The following NOL8 variants were observed in gnomAD, a reference collection of about 807,000 sequenced individuals.
The protein encoded by NOL8 is nucleolar protein Nop132.
A neutral mutation model predicts 116.1 loss-of-function variants in NOL8; 93 were observed. That is an observed-to-expected ratio of 0.80 (90% CI 0.68 to 0.95). The LOEUF (loss-of-function observed/expected upper bound fraction) is 0.95. Among genes scored for constraint, NOL8 ranks in the 40% least tolerant of loss-of-function variants. The probability of loss-of-function intolerance (pLI) is 0.00; values close to 1 mark genes in which losing one functional copy is unlikely to be tolerated. For missense variants in NOL8, 1,291 were observed against 1,382.8 expected, an observed-to-expected ratio of 0.93 and a Z score of 1.05; for synonymous variants, 419 against 469.0, an observed-to-expected ratio of 0.89 and a Z score of 1.38.
At chr9:92,313,409 C>T (rs1003020652) in intron 7 of NOL8, among the ~76,000 whole-genome samples, 3 of 152,134 alleles carry the variant, frequency 2.0e-5, no homozygotes, top group African/African-American at 7.2e-5. Context: ...TTGTTCTGTA[C>T]TCAAAAACTA....
intron 5 of NOL8, 120 bp downstream of exon 5, chr9:92,319,101 A>T: frequency 9.4e-7 from 1 of 1,068,358 alleles, no homozygotes; most frequent in Non-Finnish European, 1.3e-6. Context: ...TATCTATGTT[A>T]ATTGCCTCCA....
intron 9 of NOL8, 60 bp from the exon 10 acceptor site, chr9:92,310,321 G>A: frequency 3.5e-6 from 5 of 1,448,928 alleles, no homozygotes; most frequent in Non-Finnish European, 4.8e-6. Context: ...TGCTTCTGAC[G>A]AAGACTGTCA....
chr9:92,305,776 T>TTTTC lies in NOL8; in HGVS notation c.2876_2879dup (p.Arg961LysfsTer4). 1 of 1,611,982 alleles carries TTTTC rather than the reference T, an allele frequency of 6.2e-7. No homozygotes were observed. The highest frequency in any genetic ancestry group is 8.5e-7 in the Non-Finnish European group (1 of 1,178,294). On this transcript the variant is annotated frameshift_variant, in exon 12 of 17. Transcript: ENST00000442668. LOFTEE classifies it high-confidence loss of function. The stretch of plus-strand genomic sequence containing the variant: ...ACCTTTCTTTTGGCTTATCATCTCT[T>TTTTC]TTTCTTTCGTAAGTGGCATGGTCTT...
At chr9:92,322,135 A>T (rs547776498) in intron 3 of NOL8, among the ~76,000 whole-genome samples, 1 of 152,204 alleles carries the variant, frequency 6.6e-6, no homozygotes, top group African/African-American at 2.4e-5. Context: ...TAAAACAATC[A>T]TCTTTTCAGG....
intron 5 of NOL8, 59 bp downstream of exon 5, chr9:92,319,162 G>C: frequency 6.8e-7 from 1 of 1,463,390 alleles, no homozygotes; most frequent in Non-Finnish European, 9.0e-7. Context: ...ACAATCACGT[G>C]ATCTCAGGCA....
At chr9:92,317,838 T>C (rs562440899) in intron 6 of NOL8, among the ~76,000 whole-genome samples, 1 of 151,620 alleles carries the variant, frequency 6.6e-6, no homozygotes. Context: ...ATCAAGACCA[T>C]CCTGGCCAAC....
chr9:92,323,387 GT>G, intron 3 of NOL8, 53 bp downstream of exon 3: 1 of 1,547,290 alleles, frequency 6.5e-7, no homozygotes, highest in Non-Finnish European at 8.8e-7. Flanking sequence ...GTTATTCCAA[GT>G]TACAGAGTCA....
chr9:92,304,009 A>G (rs1398099763), intron 12 of NOL8, among the ~76,000 whole-genome samples: 5 of 152,234 alleles, frequency 3.3e-5, no homozygotes. Context: ...GAAGATTTTA[A>G]GAGAATTATA....
chr9:92,323,329 C>T (rs1235740460), intron 3 of NOL8, 112 bp downstream of exon 3: 29 of 1,543,024 alleles, frequency 1.9e-5, no homozygotes, highest in Non-Finnish European at 2.4e-5. Flanking sequence ...CACTGCTGTC[C>T]CTCTGGATAA....
At position 92,314,682 on chromosome 9, in the gene NOL8, T is replaced by G. The variant is rs1035024933; in HGVS notation, c.1943A>C (p.Gln648Pro). 1 of 1,613,674 alleles carries G rather than the reference T, an allele frequency of 6.2e-7. No homozygotes were observed. Among genetic ancestry groups the G allele is most frequent in the Admixed American group, 1.7e-5 (1 of 59,978 alleles). The change falls in exon 7 of 17, where the codon CAG becomes CCG. Residue 648 changes from glutamine (Q) to proline (P), a missense_variant. Coordinates refer to ENST00000442668, the MANE Select transcript of NOL8 (RefSeq NM_017948.6). ...GCGATCCTGGCTTTCAAAAGTGGTC[T>G]GTCTTTTTTGAGGCTGAATATAGTT... ...GPNYIQPQKR[Q>P]TTFESQDRKA...
At position 92,298,250 on chromosome 9, in the gene NOL8, TACTC is replaced by T; in HGVS notation, c.3453+3_3453+6del. 1 of 1,587,226 alleles carries T rather than the reference TACTC, an allele frequency of 6.3e-7. No homozygotes were observed. The highest frequency in any genetic ancestry group is 1.1e-5 in the South Asian group (1 of 87,634). ...TTAGGAAATAATATGGAGAAACAAT[TACTC>T]ACCATACGCAGGTTGGTTGTTCTGG... On this transcript the variant is annotated splice_donor_5th_base_variant and intron_variant, in intron 16 of 16. Coordinates refer to ENST00000442668, the MANE Select transcript of NOL8 (RefSeq NM_017948.6).
At chr9:92,312,128 C>T (rs1025602332) in intron 7 of NOL8, among the ~76,000 whole-genome samples, 1 of 152,122 alleles carries the variant, frequency 6.6e-6, no homozygotes, top group Admixed American at 6.5e-5. Flanking sequence ...CATGCTCTCA[C>T]TTATAAGTGG....
chr9:92,318,995 C>A lies in NOL8; in HGVS notation c.417+226G>T, dbSNP rs1167718699. ...CTTGCTACCTATGTCCCTTGAAAGT[C>A]CACCTCTGCTTGAGTTTTGATTTCT... On this transcript the variant is annotated intron_variant, in intron 5 of 16. Transcript: ENST00000442668. The A allele has an allele frequency of 9.6e-6, 5 of 521,056 alleles. No homozygotes were observed. In the East Asian group the frequency reaches 1.4e-4, roughly 14 times the overall value. The allele number at this position is 521,056 out of a possible 1,614,324, so 32.3% of individuals were successfully genotyped here.
At chr9:92,304,609 G>A (rs1195897412) in intron 12 of NOL8, among the ~76,000 whole-genome samples, 1 of 152,054 alleles carries the variant, frequency 6.6e-6, no homozygotes, top group African/African-American at 2.4e-5. Flanking sequence ...ACATTGGAGG[G>A]AATATTAATA....
chr9:92,313,904 T>G (rs890588340), intron 7 of NOL8, among the ~76,000 whole-genome samples: 1 of 152,212 alleles, frequency 6.6e-6, no homozygotes, highest in African/African-American at 2.4e-5. Context: ...ACCATCCTCA[T>G]ACTATAAATC....
In NOL8 at chr9:92,300,056, T is replaced by C. The variant is rs776107232; in HGVS notation, c.3176-40A>G. On this transcript the variant is annotated intron_variant, in intron 13 of 16. Transcript: ENST00000442668. ...CAACAAAAGATGATGGGATTGTAAC[T>C]CCACAGCCAAGTATTTCTGAACACA... 8 of 1,598,348 alleles carry C rather than the reference T, an allele frequency of 5.0e-6. No homozygotes were observed. In the South Asian group the frequency reaches 9.0e-5, roughly 18 times the overall value.
In NOL8 at chr9:92,314,338, C is replaced by T; in HGVS notation, c.2287G>A (p.Ala763Thr). 6.2e-7 allele frequency: 1 copy of T among 1,610,270 alleles called. No homozygotes were observed. Among genetic ancestry groups the T allele is most frequent in the Non-Finnish European group, 8.5e-7 (1 of 1,177,014 alleles). ...KHAEDNEKRL[A>T]ALEARQKAKE... ...GCTTTTTGCCTCGCTTCCAAGGCTG[C>T]CAAACGCTTCTCATTGTCTTCAGCA... is the stretch of plus-strand genomic sequence containing the variant. The change falls in exon 7 of 17, where the codon GCA (alanine) becomes ACA (threonine). Residue 763 changes from alanine (A) to threonine (T), a missense_variant. Transcript: ENST00000442668.
chr9:92,298,265 G>C lies in NOL8; in HGVS notation c.3445C>G (p.Leu1149Val), dbSNP rs927123224. Residue 1149 changes from leucine to valine, a missense_variant, in exon 16 of 17, where the codon CTG becomes GTG. Transcript: ENST00000442668. ...GAGAAACAATTACTCACCATACGCAGGTTGGTTGTTCTGGCCTCCCAAGAG... is the reference window on the plus strand; with the variant it reads ...GAGAAACAATTACTCACCATACGCACGTTGGTTGTTCTGGCCTCCCAAGAG... ...RNSWEARTTN[L>V]RMDCRKKHKD... The C allele has an allele frequency of 1.7e-5, 28 of 1,604,664 alleles. No homozygotes were observed. The highest frequency in any genetic ancestry group is 2.3e-5 in the Non-Finnish European group (27 of 1,174,758).
intron 12 of NOL8, among the ~76,000 whole-genome samples, chr9:92,302,898 A>G (rs1403127385): frequency 1.3e-5 from 2 of 152,218 alleles, no homozygotes; most frequent in Admixed American, 1.3e-4. Context: ...TAAGAGAAAA[A>G]TAAGGTAAAT....
Sources: gnomAD v4.1 joint callset for allele counts (sites outside exome capture counted in the v4.1 genomes callset) on GRCh38, gnomAD v4.1.1 for gene constraint, MANE v1.5 for transcripts, NCBI Gene and HGNC (gene_info 2026-07-23, HGNC 2026-07-21) for gene names.